Variants in LTBR observed in about 807,000 individuals in gnomAD.
The protein encoded by LTBR is lymphotoxin beta receptor.
A neutral mutation model predicts 45.4 loss-of-function variants in LTBR; 15 were observed. The ratio of observed to expected loss-of-function variants is 0.33; its 90% CI spans 0.22 to 0.51. LTBR has a LOEUF of 0.51. Among genes scored for constraint, LTBR ranks in the 20% least tolerant of loss-of-function variants. LTBR has a pLI of 0.97. For missense variants in LTBR, 450 were observed against 565.5 expected, an observed-to-expected ratio of 0.80 and a Z score of 2.07; for synonymous variants, 228 against 231.0, an observed-to-expected ratio of 0.99 and a Z score of 0.12.
chr12:6,384,605 G>A lies in LTBR; in HGVS notation c.114G>A (p.Ser38=), dbSNP rs1164421864. The part of the protein sequence containing the change: ...SQPQAVPPYA[S]ENQTCRDQEK... Reference sequence around the variant, plus strand: ...CTTTGAAGGTGCCTCCATATGCGTCGGAGAACCAGACCTGCAGGGACCAGG... The same window carrying A: ...CTTTGAAGGTGCCTCCATATGCGTCAGAGAACCAGACCTGCAGGGACCAGG... The change falls in exon 2 of 10, where the codon TCG becomes TCA. Residue 38 remains serine, a synonymous_variant. Coordinates refer to ENST00000228918, the MANE Select transcript of LTBR (RefSeq NM_002342.3). 2 of 1,614,182 alleles carry A rather than the reference G, an allele frequency of 1.2e-6. No homozygotes were observed. The highest frequency in any genetic ancestry group is 1.7e-5 in the Admixed American group (1 of 60,028).
intron 1 of LTBR, among the ~76,000 whole-genome samples, chr12:6,376,749 G>A (rs909059119): frequency 6.6e-6 from 1 of 152,130 alleles, no homozygotes; most frequent in African/African-American, 2.4e-5. Context: ...GGCCCTGCAC[G>A]CGGCAGGGAA....
At chr12:6,377,223 A>G (rs1357801588) in intron 1 of LTBR, 2 of 1,538,416 alleles carry the variant, frequency 1.3e-6, no homozygotes. Flanking sequence ...GGTGTCAACC[A>G]GGATTCCAAA....
chr12:6,385,441 G>C, intron 4 of LTBR, 62 bp downstream of exon 4: 1 of 1,592,964 alleles, frequency 6.3e-7, no homozygotes, highest in South Asian at 1.1e-5. Context: ...TCTCAAGTGG[G>C]AGCAGGGAAT....
intron 1 of LTBR, chr12:6,376,093 T>A: frequency 1.0e-6 from 1 of 988,674 alleles, no homozygotes; most frequent in Non-Finnish European, 1.2e-6. Flanking sequence ...TGGGCAGCCC[T>A]CCAAGGGCAC....
upstream of LTBR, chr12:6,375,265 C>T (rs1036710692): frequency 2.1e-6 from 3 of 1,438,438 alleles, no homozygotes; most frequent in South Asian, 1.5e-5. Context: ...TGGCCTGCCT[C>T]CTCTCTCTAA....
In LTBR at chr12:6,388,066, C is replaced by T. The variant is rs574367006; in HGVS notation, c.668-332C>T. On this transcript the variant is annotated intron_variant, in intron 6 of 9. Coordinates refer to ENST00000228918, the MANE Select transcript of LTBR (RefSeq NM_002342.3). This position sits in a 1 kb window ranked among gnomAD's most constrained non-coding sequence, Gnocchi z 4.3. Reference sequence around the variant, plus strand: ...AATCCCACTTCCAGACCTTGAAAATCAACTGCCTAAGCTCCCATCCTGCAC... The same window carrying T: ...AATCCCACTTCCAGACCTTGAAAATTAACTGCCTAAGCTCCCATCCTGCAC... Among the ~76,000 whole-genome samples the T allele has an allele frequency of 1.3e-3, 191 of 152,282 alleles. 1 individual carries two copies. The highest frequency in any genetic ancestry group is 4.2e-3 in the African/African-American group (175 of 41,554).
At chr12:6,378,512 G>A (rs748917680) in intron 1 of LTBR, among the ~76,000 whole-genome samples, 3 of 152,120 alleles carry the variant, frequency 2.0e-5, no homozygotes, top group Admixed American at 1.3e-4. Context: ...TATGGGCCCC[G>A]GTGATCTTAC....
In LTBR at chr12:6,390,219, A is replaced by G. The variant is rs147770937; in HGVS notation, c.909A>G (p.Pro303=). 4,750 of 1,614,074 alleles carry G rather than the reference A, an allele frequency of 2.9e-3. 20 individuals carry two copies. Among genetic ancestry groups the G allele is most frequent in the South Asian group, 4.2e-3 (379 of 91,080 alleles). Residue 303 remains proline, a synonymous_variant, in exon 9 of 10, where the codon CCA becomes CCG. Coordinates refer to ENST00000228918, the MANE Select transcript of LTBR (RefSeq NM_002342.3). The stretch of plus-strand genomic sequence containing the variant: ...TACCCATTTCTGGAGATGTTTCCCC[A>G]GTATCCACTGGGCTCCCCGCAGCCC... ...PLLPISGDVS[P]VSTGLPAAPV...
At chr12:6,381,696 C>T (rs989484516), upstream of LTBR, among the ~76,000 whole-genome samples, 8 of 152,176 alleles carry the variant, frequency 5.3e-5, no homozygotes, top group African/African-American at 1.7e-4. Context: ...ATTCTGGGGC[C>T]GGGTGCCGTG....
Position 6,385,276 on chromosome 12 carries a change from G to A in LTBR, c.369G>A (p.Gln123=). 4 of 1,614,108 alleles carry A rather than the reference G, an allele frequency of 2.5e-6. No individual in the cohort carries two copies. Among genetic ancestry groups the A allele is most frequent in the Non-Finnish European group, 3.4e-6 (4 of 1,180,018 alleles). ...CCTGCACAAGCAAACGGAAGACCCA[G>A]TGCCGCTGCCAGCCGGGAATGTTCT... is the stretch of plus-strand genomic sequence containing the variant. ...IAPCTSKRKT[Q]CRCQPGMFCA... The change falls in exon 4 of 10, where the codon CAG becomes CAA. Residue 123 remains glutamine (Q), a synonymous_variant. Coordinates refer to ENST00000228918, the MANE Select transcript of LTBR (RefSeq NM_002342.3).
chr12:6,384,013 C>T (rs1949009120), upstream of LTBR: 1 of 1,161,296 alleles, frequency 8.6e-7, no homozygotes. Flanking sequence ...AGGCCGGTTC[C>T]GGCCCCGCGG....
At chr12:6,382,158 G>GA (rs1245240537), upstream of LTBR, among the ~76,000 whole-genome samples, 1 of 151,816 alleles carries the variant, frequency 6.6e-6, no homozygotes, top group Admixed American at 6.6e-5. Flanking sequence ...ACAGGGTGGG[G>GA]AAAAAAAGAA....
At chr12:6,375,602 G>T in intron 1 of LTBR, 1 of 1,339,078 alleles carries the variant, frequency 7.5e-7, no homozygotes, top group South Asian at 1.2e-5. Context: ...AAGGTGAGCA[G>T]GGCGGGGGGA....
upstream of LTBR, among the ~76,000 whole-genome samples, chr12:6,379,754 C>A (rs189372904): frequency 3.5e-3 from 489 of 141,246 alleles, 1 homozygote; most frequent in African/African-American, 0.012. Flanking sequence ...CATGGTGAAA[C>A]CCCGTCTCTA....
rs924037818 is a variant in LTBR at position 6,388,926 on chromosome 12, T to C, written c.801+101T>C. On this transcript the variant is annotated intron_variant, in intron 8 of 9. Transcript: ENST00000228918. The surrounding 1 kb of genome is among the most constrained non-coding windows in gnomAD (Gnocchi z 4.3). ...AGTATGCAGGCTGACTCCACACTCATTCATTCATTCAACTGATGATTTACT... is the reference window on the plus strand; with the variant it reads ...AGTATGCAGGCTGACTCCACACTCACTCATTCATTCAACTGATGATTTACT... 24 of 1,368,504 alleles carry C rather than the reference T, an allele frequency of 1.8e-5. No individual in the cohort carries two copies. The highest frequency in any genetic ancestry group is 2.5e-5 in the Non-Finnish European group (24 of 964,960). 84.8% of individuals were successfully genotyped at this position (1,368,504 alleles called of 1,614,324 possible).
rs779501408 is a variant in LTBR, at chr12:6,385,223, C to T, written c.320-4C>T. On this transcript the variant is annotated splice_polypyrimidine_tract_variant and splice_region_variant and intron_variant, in intron 3 of 9. Coordinates refer to ENST00000228918, the MANE Select transcript of LTBR (RefSeq NM_002342.3). ...CTCCCTGAGCCCTCCCGTCTCCCCG[C>T]CAGTGATGGGCCTCGAGGAGATTGC... 1.1e-5 allele frequency: 17 copies of T among 1,614,030 alleles called. No individual in the cohort carries two copies. The African/African-American group carries it at 2.1e-4, about 20-fold the overall frequency.
Position 6,388,595 on chromosome 12 carries a change from A to T in LTBR, c.775+90A>T, listed in dbSNP as rs80268275. On this transcript the variant is annotated intron_variant, in intron 7 of 9. Transcript: ENST00000228918. The surrounding 1 kb of genome is among the most constrained non-coding windows in gnomAD (Gnocchi z 4.3). Reference sequence around the variant, plus strand: ...CCCCGGTGCAACCCTCCACACCCTCAAGACTCCCAATGCCTACCCCCAACA... The same window carrying T: ...CCCCGGTGCAACCCTCCACACCCTCTAGACTCCCAATGCCTACCCCCAACA... The T allele has an allele frequency of 5.3e-4, 641 of 1,202,818 alleles. 1 individual carries two copies. In the East Asian group the frequency reaches 0.013, roughly 24 times the overall value. 74.5% of individuals were successfully genotyped at this position (1,202,818 alleles called of 1,614,324 possible). A position where few individuals can be genotyped will look rare whatever the true frequency, so the allele number is the denominator to read the frequency against.
At chr12:6,384,828 C>A (rs1184531200) in intron 2 of LTBR, 144 bp downstream of exon 2, 2 of 1,009,800 alleles carry the variant, frequency 2.0e-6, no homozygotes, top group Admixed American at 2.1e-5. Flanking sequence ...CTGGACATCA[C>A]GTGGAGGAGA....
chr12:6,380,950 C>T (rs181493598), upstream of LTBR, among the ~76,000 whole-genome samples: 72 of 152,248 alleles, frequency 4.7e-4, 1 homozygote, highest in African/African-American at 1.7e-3. Context: ...ATGCCCTGCC[C>T]GCGGTGAACC....
Sources: allele counts gnomAD v4.1 joint callset (sites outside exome capture counted in the v4.1 genomes callset), GRCh38; gene constraint gnomAD v4.1.1; non-coding constraint Gnocchi (gnomAD v3.1); transcripts MANE v1.5; gene names NCBI Gene and HGNC (gene_info 2026-07-23, HGNC 2026-07-21).